Variants in TENT5D observed in about 807,000 individuals in gnomAD.
TENT5D encodes the protein cancer/testis antigen 112.
For synonymous variants in TENT5D, 103 were observed against 100.6 expected, an observed-to-expected ratio of 1.02 and a Z score of -0.15; for missense variants, 191 against 287.0, an observed-to-expected ratio of 0.67 and a Z score of 2.42.
At chrX:80,352,306 G>T (rs781179691) in intron 3 of TENT5D, among the ~76,000 whole-genome samples, 2 of 112,042 alleles carry the variant, frequency 1.8e-5, no homozygotes, top group East Asian at 5.7e-4. Context: ...TGAGATGGGA[G>T]TTTTATCTAT....
chrX:80,431,928 T>A (rs1054364671), intron 1 of TENT5D, among the ~76,000 whole-genome samples: 4 of 111,358 alleles, frequency 3.6e-5, no homozygotes, highest in Non-Finnish European at 7.5e-5. Context: ...GAGAAATAAC[T>A]CCCTGTTTAA....
intron 3 of TENT5D, among the ~76,000 whole-genome samples, chrX:80,349,368 C>T (rs878903891): frequency 1.8e-5 from 2 of 111,728 alleles, no homozygotes; most frequent in Non-Finnish European, 3.8e-5. Context: ...GATTCGACTT[C>T]TTCCTGGTTT....
At chrX:80,391,182 G>C (rs1931118504) in intron 3 of TENT5D, among the ~76,000 whole-genome samples, 1 of 111,708 alleles carries the variant, frequency 9.0e-6, no homozygotes, top group African/African-American at 3.2e-5. Context: ...CAAGGTCTCT[G>C]CCTACACAGG....
rs953785301 is a variant in TENT5D, at chrX:80,341,531, A to G, written c.-206-969A>G. Reference sequence around the variant, plus strand: ...TCAGTCAAAAGGAAATACTATTTACAGGACAAGATCAGTGTATAAGGCAAA... The same window carrying G: ...TCAGTCAAAAGGAAATACTATTTACGGGACAAGATCAGTGTATAAGGCAAA... On this transcript the variant is annotated intron_variant, in intron 2 of 4. Transcript: ENST00000538312. Among the ~76,000 whole-genome samples the G allele has an allele frequency of 2.7e-5, 3 of 111,385 alleles. No homozygotes were observed. In the East Asian group the frequency reaches 8.5e-4, roughly 32 times the overall value.
intron 2 of TENT5D, among the ~76,000 whole-genome samples, chrX:80,336,340 T>C (rs1251834843): frequency 9.0e-6 from 1 of 110,721 alleles, no homozygotes; most frequent in East Asian, 2.8e-4. Flanking sequence ...CTTCAGACTG[T>C]TACCCTAACT....
intron 1 of TENT5D, among the ~76,000 whole-genome samples, chrX:80,427,311 C>T (rs896432100): frequency 6.3e-5 from 7 of 111,480 alleles, no homozygotes; most frequent in African/African-American, 2.3e-4. Context: ...GTCCCCAGAC[C>T]TTACCCATTG....
At chrX:80,344,471 TG>T (rs1930022441) in intron 3 of TENT5D, among the ~76,000 whole-genome samples, 2 of 110,723 alleles carry the variant, frequency 1.8e-5, no homozygotes, top group South Asian at 7.7e-4. Context: ...TGTTATTTTT[TG>T]TTTTTTTTTT....
intron 3 of TENT5D, among the ~76,000 whole-genome samples, chrX:80,397,273 G>T (rs1310132992): frequency 9.5e-6 from 1 of 104,898 alleles, no homozygotes; most frequent in Non-Finnish European, 2.0e-5. Context: ...GGGCAGAGGC[G>T]CTCCTCACAT....
chrX:80,386,833 C>A (rs1438411772), intron 3 of TENT5D, among the ~76,000 whole-genome samples: 1 of 111,138 alleles, frequency 9.0e-6, no homozygotes, highest in African/African-American at 3.3e-5. Flanking sequence ...TTGAAAAAAA[C>A]TAGAGTTTAG....
chrX:80,398,186 C>G (rs1376538496), intron 3 of TENT5D, among the ~76,000 whole-genome samples: 1 of 111,964 alleles, frequency 8.9e-6, no homozygotes, highest in Non-Finnish European at 1.9e-5. Flanking sequence ...AACATTTTTT[C>G]AAGTATCTGT....
At chrX:80,375,235 C>A (rs1478233827) in intron 3 of TENT5D, among the ~76,000 whole-genome samples, 1 of 111,461 alleles carries the variant, frequency 9.0e-6, no homozygotes, top group Non-Finnish European at 1.9e-5. Context: ...GAAACCTTTT[C>A]TGATCATACT....
At chrX:80,354,587 A>G (rs1930247105) in intron 3 of TENT5D, among the ~76,000 whole-genome samples, 1 of 111,179 alleles carries the variant, frequency 9.0e-6, no homozygotes, top group Admixed American at 9.6e-5. Flanking sequence ...CAATTCTTGG[A>G]CTGTTTTACT....
chrX:80,362,084 T>G (rs931131178), intron 3 of TENT5D, among the ~76,000 whole-genome samples: 1 of 111,953 alleles, frequency 8.9e-6, no homozygotes, highest in Admixed American at 9.5e-5. Flanking sequence ...TATGTGCTAT[T>G]TGGTTTTCTG....
intron 1 of TENT5D, among the ~76,000 whole-genome samples, chrX:80,421,643 C>G (rs1192142133): frequency 8.9e-6 from 1 of 112,181 alleles, no homozygotes; most frequent in African/African-American, 3.2e-5. Context: ...GCAAAGACTG[C>G]ATTTTGAAAT....
At chrX:80,399,638 G>T (rs781414100) in intron 3 of TENT5D, among the ~76,000 whole-genome samples, 3 of 112,116 alleles carry the variant, frequency 2.7e-5, no homozygotes, top group Admixed American at 1.9e-4. Context: ...CTATTCAAAA[G>T]ACATGTATTA....
intron 3 of TENT5D, among the ~76,000 whole-genome samples, chrX:80,363,152 A>G (rs1204679615): frequency 2.7e-5 from 3 of 111,894 alleles, no homozygotes; most frequent in Non-Finnish European, 5.6e-5. Context: ...TTAACCAGCT[A>G]TTACACTGCT....
At chrX:80,413,526 G>A (rs1406928850) in intron 3 of TENT5D, among the ~76,000 whole-genome samples, 1 of 111,653 alleles carries the variant, frequency 9.0e-6, no homozygotes, top group Non-Finnish European at 1.9e-5. Flanking sequence ...CCCAGGGGGA[G>A]GTAATTGAAT....
At chrX:80,338,448 T>C (rs368003418) in intron 2 of TENT5D, among the ~76,000 whole-genome samples, 59 of 112,422 alleles carry the variant, frequency 5.2e-4, no homozygotes, top group African/African-American at 1.8e-3. Context: ...ATGTTAAAAT[T>C]TGACATGAGC....
At chrX:80,384,226 A>G (rs1276843537) in intron 3 of TENT5D, among the ~76,000 whole-genome samples, 1 of 99,318 alleles carries the variant, frequency 1.0e-5, no homozygotes, top group African/African-American at 3.7e-5. Flanking sequence ...CTTATCCACC[A>G]TGATCAAGTG....
Sources: allele counts gnomAD v4.1 joint callset (sites outside exome capture counted in the v4.1 genomes callset), GRCh38; gene constraint gnomAD v4.1.1; transcripts MANE v1.5; gene names NCBI Gene and HGNC (gene_info 2026-07-23, HGNC 2026-07-21).